The following EIF2AK1 variants were observed in gnomAD, a reference collection of about 807,000 sequenced individuals.
The protein encoded by EIF2AK1 is eukaryotic translation initiation factor 2-alpha kinase 1.
Under a neutral mutation model 77.9 loss-of-function variants are expected in EIF2AK1, and 54 were observed. The observed-to-expected ratio is 0.69, with a 90% CI of 0.56 to 0.87. The LOEUF is 0.87. Ranked by LOEUF, EIF2AK1 falls within the 40% of genes least tolerant of loss-of-function variation. The probability of loss-of-function intolerance (pLI) is 0.00; values close to 1 mark genes in which losing one functional copy is unlikely to be tolerated. For synonymous variants in EIF2AK1, 314 were observed against 290.5 expected (o/e 1.08, Z -0.82); for missense variants, 810 against 768.6 (o/e 1.05, Z -0.64).
intron 2 of EIF2AK1, among the ~76,000 whole-genome samples, chr7:6,050,470 C>T (rs1263733215): frequency 6.6e-6 from 1 of 152,114 alleles, no homozygotes; most frequent in African/African-American, 2.4e-5. Context: ...GCTAGGATTA[C>T]AGGCATGAGC....
At chr7:6,043,842 TAGTCCCAGCACTCTGGG>T (rs1299906410) in intron 7 of EIF2AK1, among the ~76,000 whole-genome samples, 1 of 152,082 alleles carries the variant, frequency 6.6e-6, no homozygotes, top group Non-Finnish European at 1.5e-5. Context: ...CTCATGCCTA[TAGTCCCAGCACTCTGGG>T]AGGCCGAGGC....
intron 10 of EIF2AK1, among the ~76,000 whole-genome samples, chr7:6,038,105 G>A (rs1296909929): frequency 1.3e-5 from 2 of 152,042 alleles, no homozygotes; most frequent in South Asian, 2.1e-4. Context: ...AGGATGGAGA[G>A]GTTTTACAGG....
chr7:6,035,884 G>A lies in EIF2AK1; in HGVS notation c.1332+1540C>T, dbSNP rs560649372. ...TGCACTGCATCAAGCAAAGCAGGCCGACTCCTCGGGGCGGGGGTCAGCTGC... is the reference window on the plus strand; with the variant it reads ...TGCACTGCATCAAGCAAAGCAGGCCAACTCCTCGGGGCGGGGGTCAGCTGC... On this transcript the variant is annotated intron_variant, in intron 11 of 14. Transcript: ENST00000199389. This position sits in a 1 kb window ranked among gnomAD's most constrained non-coding sequence, Gnocchi z 5.5. 41 of 1,546,620 alleles carry A rather than the reference G, an allele frequency of 2.7e-5. 1 individual carries two copies. Among genetic ancestry groups the A allele is most frequent in the South Asian group, 3.6e-5 (3 of 83,532 alleles).
chr7:6,023,039 G>A lies in EIF2AK1; in HGVS notation c.*1634C>T. On this transcript the variant is annotated 3_prime_UTR_variant, in exon 15 of 15. Coordinates refer to ENST00000199389, the MANE Select transcript of EIF2AK1 (RefSeq NM_014413.4). ...TAGGCAGCAGGGATTGGAGCAGGTG[G>A]TCTGAGGTCCCTTCTAGCTTCAGAA... 2.5e-6 allele frequency: 1 copy of A among 395,820 alleles called. No homozygotes were observed. The highest frequency in any genetic ancestry group is 4.6e-5 in the East Asian group (1 of 21,928). The allele number at this position is 395,820 out of a possible 1,614,324, so 24.5% of individuals were successfully genotyped here.
At chr7:6,044,794 A>G in intron 6 of EIF2AK1, 133 bp from the exon 7 acceptor site, 1 of 710,796 alleles carries the variant, frequency 1.4e-6, no homozygotes, top group South Asian at 1.7e-5. Flanking sequence ...AATTTTTGAC[A>G]TACTTTGAAT....
chr7:6,043,099 T>G (rs1418083226), intron 7 of EIF2AK1, 106 bp from the exon 8 acceptor site: 2 of 1,141,496 alleles, frequency 1.8e-6, no homozygotes, highest in South Asian at 1.4e-5. Flanking sequence ...ACTACAAGTC[T>G]AAAAATGTCA....
intron 14 of EIF2AK1, 142 bp from the exon 15 acceptor site, chr7:6,024,943 A>G (rs1483094179): frequency 3.6e-6 from 2 of 551,430 alleles, no homozygotes; most frequent in African/African-American, 4.0e-5. Flanking sequence ...AGTTCAAGCT[A>G]TTCTCGTGCC....
At chr7:6,028,203 A>G in intron 13 of EIF2AK1, 1 of 310,950 alleles carries the variant, frequency 3.2e-6, no homozygotes, top group Admixed American at 4.5e-5. Flanking sequence ...GTACTCAGTT[A>G]TCTCCAAAAA....
At chr7:6,055,776 T>C (rs1281024179) in intron 1 of EIF2AK1, among the ~76,000 whole-genome samples, 10 of 134,778 alleles carry the variant, frequency 7.4e-5, no homozygotes, top group African/African-American at 1.4e-4. Flanking sequence ...AGGTCAGGAG[T>C]TCGAGACCAG....
intron 4 of EIF2AK1, chr7:6,047,672 CAA>C (rs55810408): frequency 9.2e-4 from 133 of 144,614 alleles, no homozygotes; most frequent in Non-Finnish European, 1.2e-3. Flanking sequence ...GACTCTGTCT[CAA>C]AAAAAAAAAA....
chr7:6,039,761 CCT>C (rs1268934334), intron 9 of EIF2AK1, among the ~76,000 whole-genome samples: 2 of 151,572 alleles, frequency 1.3e-5, no homozygotes, highest in South Asian at 2.1e-4. Flanking sequence ...ATGGTGAAGC[CCT>C]GTCTCTACTA....
At chr7:6,058,488 C>T (rs545337388) in intron 1 of EIF2AK1, among the ~76,000 whole-genome samples, 4 of 152,282 alleles carry the variant, frequency 2.6e-5, no homozygotes, top group Middle Eastern at 3.4e-3. Flanking sequence ...TATAAGAAAT[C>T]TTTAGTTCTC....
intron 3 of EIF2AK1, 116 bp from the exon 4 acceptor site, chr7:6,048,960 C>A: frequency 1.5e-6 from 1 of 669,562 alleles, no homozygotes. Flanking sequence ...ATTTTAAAAA[C>A]CACTGGCTTT....
rs1788343182 is a variant in EIF2AK1, at chr7:6,043,090, C to T, written c.731-97G>A. 28 of 1,203,716 alleles carry T rather than the reference C, an allele frequency of 2.3e-5. No individual in the cohort carries two copies. The South Asian group carries it at 3.7e-4, about 16-fold the overall frequency. The allele number at this position is 1,203,716 out of a possible 1,614,324, so 74.6% of individuals were successfully genotyped here. A position where few individuals can be genotyped will look rare whatever the true frequency, so the allele number is the denominator to read the frequency against. On this transcript the variant is annotated intron_variant, in intron 7 of 14. Transcript: ENST00000199389. ...AATATACAAATAGTGTCAAATGAGA[C>T]TACAAGTCTAAAAATGTCATGACCT...
chr7:6,042,770 G>T (rs1788334496), intron 8 of EIF2AK1, among the ~76,000 whole-genome samples, 163 bp downstream of exon 8: 1 of 151,998 alleles, frequency 6.6e-6, no homozygotes, highest in Non-Finnish European at 1.5e-5. Context: ...GGAAGCTGAG[G>T]CAGGAGAATC....
chr7:6,028,531 C>A (rs1417184246), intron 13 of EIF2AK1, 84 bp downstream of exon 13: 1 of 1,365,126 alleles, frequency 7.3e-7, no homozygotes, highest in East Asian at 2.3e-5. Context: ...GGATTACAGG[C>A]GTGAGCCACT....
rs780537670 is a variant in EIF2AK1 at position 6,035,578 on chromosome 7, G to A, written c.1332+1846C>T. 425 of 1,550,948 alleles carry A rather than the reference G, an allele frequency of 2.7e-4. 1 individual carries two copies. Among genetic ancestry groups the A allele is most frequent in the Non-Finnish European group, 3.6e-4 (417 of 1,147,102 alleles). On this transcript the variant is annotated intron_variant, in intron 11 of 14. Transcript: ENST00000199389. This position sits in a 1 kb window ranked among gnomAD's most constrained non-coding sequence, Gnocchi z 5.5. ...CAGAATAGCAGCATCACATGTCTCC[G>A]CATCTTGTGTGCGCACGGAGCTCAA...
intron 4 of EIF2AK1, 149 bp downstream of exon 4, chr7:6,048,658 T>G (rs888552056): frequency 8.5e-5 from 52 of 608,416 alleles, no homozygotes; most frequent in Middle Eastern, 8.8e-4. Context: ...GCAAAGCAAG[T>G]CTCAGAGCAG....
chr7:6,026,650 C>A, intron 14 of EIF2AK1, 78 bp downstream of exon 14: 1 of 1,205,074 alleles, frequency 8.3e-7, no homozygotes. Context: ...CCGGGGGCAC[C>A]ACCCAACCGC....
Sources: allele counts gnomAD v4.1 joint callset (sites outside exome capture counted in the v4.1 genomes callset), GRCh38; gene constraint gnomAD v4.1.1; non-coding constraint Gnocchi (gnomAD v3.1); transcripts MANE v1.5; gene names NCBI Gene and HGNC (gene_info 2026-07-23, HGNC 2026-07-21).